The following MARK1 variants were observed in gnomAD, a reference collection of about 807,000 sequenced individuals.
MARK1 encodes serine/threonine-protein kinase MARK1.
Under a neutral mutation model 96.3 loss-of-function variants are expected in MARK1, and 40 were observed. The observed-to-expected ratio is 0.42, with a 90% CI of 0.32 to 0.54. The LOEUF is 0.54. Among genes scored for constraint, MARK1 ranks in the 20% least tolerant of loss-of-function variants. The pLI, the probability that MARK1 is intolerant of heterozygous loss-of-function variation, is 0.16. For missense variants in MARK1, 719 were observed against 984.6 expected (o/e 0.73, Z 3.61); for synonymous variants, 317 against 341.2 (o/e 0.93, Z 0.78).
intron 4 of MARK1, 36 bp downstream of exon 4, chr1:220,598,415 T>TATATAC (rs1280821301): frequency 8.6e-6 from 2 of 231,442 alleles, no homozygotes; most frequent in African/African-American, 4.8e-5. Context: ...TATATATATA[T>TATATAC]ATAATTAGCG....
intron 1 of MARK1, among the ~76,000 whole-genome samples, chr1:220,536,288 T>G (rs1660676734): frequency 6.6e-6 from 1 of 152,142 alleles, no homozygotes; most frequent in Non-Finnish European, 1.5e-5. Flanking sequence ...TGCCTAGGAC[T>G]TCTAATACTA....
chr1:220,655,642 C>T (rs796480748), intron 16 of MARK1, among the ~76,000 whole-genome samples: 22 of 152,256 alleles, frequency 1.4e-4, no homozygotes, highest in African/African-American at 5.1e-4. Context: ...GTATCACTCC[C>T]GCCACTGCCT....
intron 6 of MARK1, among the ~76,000 whole-genome samples, chr1:220,608,036 C>G (rs1372455378): frequency 1.3e-5 from 2 of 152,040 alleles, no homozygotes; most frequent in Non-Finnish European, 2.9e-5. Context: ...GTGTCTCTGC[C>G]AGGCTTTGGT....
intron 5 of MARK1, among the ~76,000 whole-genome samples, chr1:220,601,305 T>G: frequency 6.6e-6 from 1 of 152,092 alleles, no homozygotes. Flanking sequence ...AGTCTTTTTT[T>G]TTTTTTTGCA....
intron 6 of MARK1, among the ~76,000 whole-genome samples, chr1:220,613,566 C>T (rs1310986751): frequency 6.6e-6 from 1 of 152,094 alleles, no homozygotes; most frequent in Non-Finnish European, 1.5e-5. Flanking sequence ...ATGTAATTAT[C>T]AGCAAATTTC....
At chr1:220,572,211 G>T (rs1355799267) in intron 1 of MARK1, among the ~76,000 whole-genome samples, 1 of 152,038 alleles carries the variant, frequency 6.6e-6, no homozygotes, top group African/African-American at 2.4e-5. Context: ...GTGTTGTTCA[G>T]ATTTTGTGTA....
intron 1 of MARK1, among the ~76,000 whole-genome samples, chr1:220,577,814 G>A (rs112235473): frequency 1.4e-4 from 22 of 152,282 alleles, no homozygotes; most frequent in African/African-American, 4.8e-4. Flanking sequence ...TATAATGATA[G>A]CACAATGGAA....
intron 1 of MARK1, among the ~76,000 whole-genome samples, chr1:220,570,938 A>G (rs548924430): frequency 1.3e-5 from 2 of 152,150 alleles, no homozygotes; most frequent in East Asian, 3.9e-4. Flanking sequence ...GTGGCAATTT[A>G]TTTCAATAGC....
chr1:220,604,145 A>C lies in MARK1; in HGVS notation c.495+8A>C. 6.2e-7 allele frequency: 1 copy of C among 1,601,086 alleles called. No homozygotes were observed. Among genetic ancestry groups the C allele is most frequent in the African/African-American group, 1.3e-5 (1 of 74,696 alleles). The stretch of plus-strand genomic sequence containing the variant: ...CGTGCAAAATTTAGGCAGGTATGGA[A>C]AGTAGTTTTCAACTTTGTTTTGCTG... On this transcript the variant is annotated splice_region_variant and intron_variant, in intron 6 of 17. Coordinates refer to ENST00000366917, the MANE Select transcript of MARK1 (RefSeq NM_018650.5).
At chr1:220,594,041 C>G (rs983246442) in intron 3 of MARK1, among the ~76,000 whole-genome samples, 1 of 152,152 alleles carries the variant, frequency 6.6e-6, no homozygotes, top group African/African-American at 2.4e-5. Context: ...GGACTGCCCA[C>G]GGTAAGGACC....
At chr1:220,620,826 A>G (rs1312791006) in intron 9 of MARK1, among the ~76,000 whole-genome samples, 2 of 152,094 alleles carry the variant, frequency 1.3e-5, no homozygotes, top group African/African-American at 4.8e-5. Context: ...ATATTATATT[A>G]TAGATATTAC....
chr1:220,646,667 CA>C (rs1322429810), intron 13 of MARK1, among the ~76,000 whole-genome samples: 1 of 152,176 alleles, frequency 6.6e-6, no homozygotes. Flanking sequence ...TACAAGGCTA[CA>C]GTAACCAAAA....
intron 1 of MARK1, among the ~76,000 whole-genome samples, chr1:220,549,941 A>C (rs1661752531): frequency 6.6e-6 from 1 of 152,258 alleles, no homozygotes. Flanking sequence ...GCAAGGAATC[A>C]AACCAAAATG....
At chr1:220,560,176 C>A (rs889776178) in intron 1 of MARK1, among the ~76,000 whole-genome samples, 1 of 151,956 alleles carries the variant, frequency 6.6e-6, no homozygotes, top group Non-Finnish European at 1.5e-5. Flanking sequence ...GGGAAACTGC[C>A]CCCCCATGAT....
At chr1:220,629,106 G>GAT (rs554373752) in intron 9 of MARK1, among the ~76,000 whole-genome samples, 24 of 152,042 alleles carry the variant, frequency 1.6e-4, no homozygotes, top group African/African-American at 5.5e-4. Context: ...GCCTTCAAAA[G>GAT]ATATATATAT....
intron 1 of MARK1, among the ~76,000 whole-genome samples, chr1:220,567,390 C>G (rs1663130903): frequency 6.6e-6 from 1 of 152,014 alleles, no homozygotes; most frequent in South Asian, 2.1e-4. Context: ...GGAGTAAATA[C>G]TAAAGAAGCT....
intron 17 of MARK1, among the ~76,000 whole-genome samples, chr1:220,660,877 C>G (rs1669440584): frequency 6.6e-6 from 1 of 152,126 alleles, no homozygotes; most frequent in Non-Finnish European, 1.5e-5. Context: ...CTGGAGTTTA[C>G]AGTCTAATGG....
intron 7 of MARK1, among the ~76,000 whole-genome samples, chr1:220,617,406 A>G (rs1344391436): frequency 6.6e-6 from 1 of 152,178 alleles, no homozygotes; most frequent in African/African-American, 2.4e-5. Context: ...ACCTTCCAGT[A>G]ATATAGAGAA....
At chr1:220,652,659 T>C (rs1668946808) in intron 15 of MARK1, among the ~76,000 whole-genome samples, 2 of 152,232 alleles carry the variant, frequency 1.3e-5, no homozygotes, top group African/African-American at 4.8e-5. Flanking sequence ...CATCTGAACA[T>C]TTTAACCCTC....
Sources: gnomAD v4.1 joint callset for allele counts (sites outside exome capture counted in the v4.1 genomes callset) on GRCh38, gnomAD v4.1.1 for gene constraint, MANE v1.5 for transcripts, NCBI Gene and HGNC (gene_info 2026-07-23, HGNC 2026-07-21) for gene names.